Variants in RNF169 observed in about 807,000 individuals in gnomAD.
RNF169 encodes the protein ring finger protein 169, also known as E3 ubiquitin-protein ligase RNF169.
A neutral mutation model predicts 53.9 loss-of-function variants in RNF169; 24 were observed. The observed-to-expected ratio is 0.45, with a 90% confidence interval of 0.32 to 0.63. The LOEUF is 0.63. RNF169 is among the 20% of genes least tolerant of loss of function. RNF169 has a pLI of 0.04. For missense variants in RNF169, 883 were observed against 906.2 expected (o/e 0.97, Z 0.33); for synonymous variants, 396 against 363.5 (o/e 1.09, Z -1.02).
chr11:74,811,958 A>G (rs1305677443), intron 3 of RNF169, among the ~76,000 whole-genome samples: 5 of 152,208 alleles, frequency 3.3e-5, no homozygotes, highest in Admixed American at 3.3e-4. Flanking sequence ...TAGGGTCCTC[A>G]GGCAGAACAA....
chr11:74,820,766 G>A (rs2035999219), intron 4 of RNF169, among the ~76,000 whole-genome samples: 1 of 152,208 alleles, frequency 6.6e-6, no homozygotes, highest in South Asian at 2.1e-4. Flanking sequence ...GAGAATGGTG[G>A]TAGAAGCGTC....
intron 1 of RNF169, among the ~76,000 whole-genome samples, chr11:74,786,054 T>C (rs1026882986): frequency 6.6e-6 from 1 of 151,278 alleles, no homozygotes; most frequent in Admixed American, 6.6e-5. Flanking sequence ...CATTCTCCTG[T>C]CTCAGCCTCC....
chr11:74,784,757 TAAG>T (rs2035464036), intron 1 of RNF169, among the ~76,000 whole-genome samples: 1 of 152,296 alleles, frequency 6.6e-6, no homozygotes, highest in Admixed American at 6.5e-5. Context: ...ACTCATCAGT[TAAG>T]GAGGGTGGGA....
chr11:74,753,710 G>T (rs2034937035), intron 1 of RNF169, among the ~76,000 whole-genome samples: 1 of 152,092 alleles, frequency 6.6e-6, no homozygotes, highest in African/African-American at 2.4e-5. Flanking sequence ...GTATTTAAGT[G>T]ACGTTCTTAA....
intron 1 of RNF169, among the ~76,000 whole-genome samples, chr11:74,779,891 C>T (rs1228068477): frequency 6.6e-6 from 1 of 152,080 alleles, no homozygotes; most frequent in East Asian, 1.9e-4. Flanking sequence ...CCTACTTTGC[C>T]TGGGGTTGGC....
At chr11:74,832,087 T>A (rs556939579) in intron 4 of RNF169, 1 of 152,324 alleles carries the variant, frequency 6.6e-6, no homozygotes, top group South Asian at 2.1e-4. Context: ...TAATAACTGA[T>A]CTCTTACAGC....
intron 1 of RNF169, among the ~76,000 whole-genome samples, chr11:74,763,549 G>A (rs1235062925): frequency 6.6e-6 from 1 of 152,184 alleles, no homozygotes; most frequent in Non-Finnish European, 1.5e-5. Flanking sequence ...AAATGTCATT[G>A]AGGTTAAAAA....
chr11:74,829,946 C>G (rs1042471722), intron 4 of RNF169, among the ~76,000 whole-genome samples: 10 of 152,104 alleles, frequency 6.6e-5, no homozygotes, highest in Admixed American at 1.3e-4. Flanking sequence ...GTGCAGCAAA[C>G]CACCATGACA....
chr11:74,787,872 G>A (rs1055704117), intron 1 of RNF169, among the ~76,000 whole-genome samples: 1 of 152,078 alleles, frequency 6.6e-6, no homozygotes, highest in African/African-American at 2.4e-5. Flanking sequence ...TCTTTCAATA[G>A]TCTCTGGAGA....
chr11:74,749,512 C>T, intron 1 of RNF169, 130 bp downstream of exon 1: 1 of 760,392 alleles, frequency 1.3e-6, no homozygotes, highest in Non-Finnish European at 1.7e-6. Flanking sequence ...GATTAGAACC[C>T]GGGCTCTACC....
chr11:74,830,796 C>G (rs543096866), intron 4 of RNF169: 2 of 152,176 alleles, frequency 1.3e-5, no homozygotes, highest in East Asian at 1.9e-4. Flanking sequence ...CAAAATCCAG[C>G]AGCATTTTTT....
chr11:74,832,092 T>TA (rs1216513535), intron 4 of RNF169: 1 of 152,232 alleles, frequency 6.6e-6, no homozygotes, highest in East Asian at 1.9e-4. Context: ...ACTGATCTCT[T>TA]ACAGCACTTA....
intron 4 of RNF169, among the ~76,000 whole-genome samples, chr11:74,829,613 C>T (rs2036147291): frequency 6.6e-6 from 1 of 152,010 alleles, no homozygotes; most frequent in African/African-American, 2.4e-5. Flanking sequence ...CAGTGATAGA[C>T]CGAATAAAGA....
At chr11:74,795,580 G>A (rs1001027556) in intron 2 of RNF169, among the ~76,000 whole-genome samples, 1 of 152,224 alleles carries the variant, frequency 6.6e-6, no homozygotes, top group African/African-American at 2.4e-5. Flanking sequence ...ATGGTAAGAG[G>A]CTGGGCACAT....
intron 1 of RNF169, among the ~76,000 whole-genome samples, chr11:74,786,248 T>TC (rs1294546412): frequency 3.3e-5 from 5 of 150,174 alleles, no homozygotes; most frequent in Non-Finnish European, 7.4e-5. Flanking sequence ...CTGTTTCTTT[T>TC]TTTTTTTTTT....
intron 4 of RNF169, 24 bp from the exon 5 acceptor site, chr11:74,834,652 C>G (rs765380518): frequency 6.3e-7 from 1 of 1,576,534 alleles, no homozygotes; most frequent in Non-Finnish European, 8.7e-7. Flanking sequence ...TTTGACTACT[C>G]GTTTTTTATT....
intron 4 of RNF169, among the ~76,000 whole-genome samples, chr11:74,829,788 G>A (rs958776072): frequency 6.6e-6 from 1 of 152,036 alleles, no homozygotes; most frequent in Non-Finnish European, 1.5e-5. Context: ...AGTGGGAGCC[G>A]AATGATGAGA....
intron 1 of RNF169, among the ~76,000 whole-genome samples, chr11:74,750,750 C>T (rs1045634843): frequency 6.6e-6 from 1 of 151,364 alleles, no homozygotes; most frequent in South Asian, 2.1e-4. Flanking sequence ...GGATTACAGG[C>T]GCCCACCACC....
chr11:74,768,269 C>T (rs983422646), intron 1 of RNF169, among the ~76,000 whole-genome samples: 6 of 152,088 alleles, frequency 3.9e-5, no homozygotes, highest in African/African-American at 1.4e-4. Flanking sequence ...GGGTGGTTAG[C>T]TAACCTTAGA....
Sources: gnomAD v4.1 joint callset for allele counts (sites outside exome capture counted in the v4.1 genomes callset) on GRCh38, gnomAD v4.1.1 for gene constraint, MANE v1.5 for transcripts, NCBI Gene and HGNC (gene_info 2026-07-23, HGNC 2026-07-21) for gene names.